Variants in TNS3 observed in about 807,000 individuals in gnomAD.
TNS3 encodes the protein tensin 3.
A neutral mutation model predicts 140.9 loss-of-function variants in TNS3; 45 were observed. That is an observed-to-expected ratio of 0.32 (90% CI 0.25 to 0.41). The LOEUF (loss-of-function observed/expected upper bound fraction) is 0.41. Ranked by LOEUF, TNS3 falls within the 10% of genes least tolerant of loss-of-function variation. TNS3 has a pLI of 1.00. For synonymous variants in TNS3, 815 were observed against 788.4 expected (o/e 1.03, Z -0.56); for missense variants, 1,716 against 1,906.7 (o/e 0.90, Z 1.86).
intron 1 of TNS3, among the ~76,000 whole-genome samples, chr7:47,574,408 T>G (rs1562864485): frequency 6.6e-6 from 1 of 151,906 alleles, no homozygotes; most frequent in African/African-American, 2.4e-5. Context: ...GGACAGCGGG[T>G]GGACACCGTG....
intron 4 of TNS3, among the ~76,000 whole-genome samples, chr7:47,474,161 A>C (rs1797072107): frequency 7.1e-6 from 1 of 141,098 alleles, no homozygotes. Context: ...ACATAAAAAA[A>C]CCTCACACAC....
At chr7:47,581,968 C>T (rs956777954) in intron 1 of TNS3, 83 bp downstream of exon 1, 2 of 151,948 alleles carry the variant, frequency 1.3e-5, no homozygotes, top group African/African-American at 4.8e-5. Context: ...TTCCTGCGCC[C>T]GGAGCGCGAA....
intron 1 of TNS3, among the ~76,000 whole-genome samples, chr7:47,568,684 C>A (rs1426341687): frequency 1.3e-5 from 2 of 152,262 alleles, no homozygotes; most frequent in African/African-American, 4.8e-5. Flanking sequence ...GGTCTATGAG[C>A]GGCTGCTGTG....
intron 4 of TNS3, among the ~76,000 whole-genome samples, chr7:47,458,667 C>T (rs1296381602): frequency 1.3e-5 from 2 of 152,190 alleles, no homozygotes; most frequent in African/African-American, 2.4e-5. Context: ...AACAAGCAGT[C>T]CCCCCATCCC....
intron 2 of TNS3, among the ~76,000 whole-genome samples, chr7:47,512,386 G>GT: frequency 6.6e-6 from 1 of 152,218 alleles, no homozygotes; most frequent in Non-Finnish European, 1.5e-5. Flanking sequence ...TTCCCCTTCT[G>GT]TAATTAGGAG....
chr7:47,282,344 T>G (rs766293296), intron 28 of TNS3, among the ~76,000 whole-genome samples: 1 of 150,974 alleles, frequency 6.6e-6, no homozygotes, highest in Non-Finnish European at 1.5e-5. Flanking sequence ...GAGTCTACCA[T>G]AAAGCCAAGG....
intron 17 of TNS3, 135 bp downstream of exon 17, chr7:47,368,230 A>G: frequency 1.0e-6 from 1 of 958,098 alleles, no homozygotes; most frequent in Non-Finnish European, 1.4e-6. Context: ...AATTCACAAG[A>G]GTTGAAACTG....
At chr7:47,289,089 T>C (rs1331386410) in intron 27 of TNS3, among the ~76,000 whole-genome samples, 2 of 152,112 alleles carry the variant, frequency 1.3e-5, no homozygotes, top group Non-Finnish European at 2.9e-5. Flanking sequence ...CAAAACAGAG[T>C]AATTTTACTT....
At position 47,396,909 on chromosome 7, in the gene TNS3, A is replaced by AAC. The variant is rs1170342669; in HGVS notation, c.920-6_920-5insGT. Reference sequence around the variant, plus strand: ...CGTTGTACAAGTGTTCGGACCCTGCACAGAGCACAGGCAGCAACATTAGTC... The same window carrying AAC: ...CGTTGTACAAGTGTTCGGACCCTGCAACCAGAGCACAGGCAGCAACATTAGTC... On this transcript the variant is annotated splice_region_variant and splice_polypyrimidine_tract_variant and intron_variant, in intron 15 of 30. Transcript: ENST00000311160. 4 of 1,609,352 alleles carry AAC rather than the reference A, an allele frequency of 2.5e-6. No homozygotes were observed. Among genetic ancestry groups the AAC allele is most frequent in the Admixed American group, 1.7e-5 (1 of 60,006 alleles).
intron 16 of TNS3, among the ~76,000 whole-genome samples, chr7:47,371,761 C>T (rs980208003): frequency 2.0e-5 from 3 of 151,288 alleles, no homozygotes; most frequent in African/African-American, 7.4e-5. Flanking sequence ...TTTGTTAATG[C>T]CATCACTAGG....
intron 1 of TNS3, among the ~76,000 whole-genome samples, chr7:47,578,265 G>C (rs1441981019): frequency 3.9e-5 from 6 of 151,994 alleles, no homozygotes; most frequent in African/African-American, 1.2e-4. Flanking sequence ...AGCTGAGATG[G>C]CCCGACTGGA....
intron 1 of TNS3, among the ~76,000 whole-genome samples, chr7:47,571,786 C>G (rs1800563818): frequency 6.6e-6 from 1 of 152,252 alleles, no homozygotes; most frequent in Non-Finnish European, 1.5e-5. Flanking sequence ...GTCACAGACT[C>G]ACAGGCCAAG....
At chr7:47,377,208 G>C (rs78759812) in intron 16 of TNS3, among the ~76,000 whole-genome samples, 27 of 152,234 alleles carry the variant, frequency 1.8e-4, no homozygotes, top group African/African-American at 6.5e-4. Context: ...GTCTGCAGCT[G>C]CAAGTGCCCA....
At chr7:47,530,278 G>A (rs1799344449) in intron 1 of TNS3, among the ~76,000 whole-genome samples, 1 of 152,216 alleles carries the variant, frequency 6.6e-6, no homozygotes, top group Non-Finnish European at 1.5e-5. Flanking sequence ...ATTAGATCCT[G>A]CAGAAGCACA....
chr7:47,355,514 A>C (rs1318077980), intron 17 of TNS3, among the ~76,000 whole-genome samples: 17 of 152,132 alleles, frequency 1.1e-4, no homozygotes, highest in Non-Finnish European at 1.5e-5. Context: ...TGTACTAAAC[A>C]CATGTGGGAC....
intron 27 of TNS3, among the ~76,000 whole-genome samples, chr7:47,291,126 G>T (rs1785673895): frequency 6.6e-6 from 1 of 152,162 alleles, no homozygotes. Flanking sequence ...TACTGGAAAA[G>T]TTGAAAATAT....
intron 3 of TNS3, among the ~76,000 whole-genome samples, chr7:47,503,002 TTC>T (rs1798282876): frequency 6.6e-6 from 1 of 151,428 alleles, no homozygotes; most frequent in Non-Finnish European, 1.5e-5. Context: ...TGGTAGGAGG[TTC>T]TGTGTTTTTC....
rs950766246 is a variant in TNS3 at position 47,563,157 on chromosome 7, G to A, written c.-265+18894C>T. Among the ~76,000 whole-genome samples the A allele has an allele frequency of 3.9e-5, 6 of 152,208 alleles. No individual in the cohort carries two copies. In the East Asian group the frequency reaches 1.2e-3, roughly 29 times the overall value. On this transcript the variant is annotated intron_variant, in intron 1 of 30. Transcript: ENST00000311160. The stretch of plus-strand genomic sequence containing the variant: ...CAGAGTGAGTGAGGCAGATGGAGTG[G>A]TCACAGCCAGGAGCTGCATGGGCAC...
chr7:47,307,648 C>T (rs569791315), intron 20 of TNS3, among the ~76,000 whole-genome samples: 1 of 152,312 alleles, frequency 6.6e-6, no homozygotes, highest in African/African-American at 2.4e-5. Context: ...CTAGTGCTGG[C>T]GTAGTGGTAT....
Sources: gnomAD v4.1 joint callset for allele counts (sites outside exome capture counted in the v4.1 genomes callset) on GRCh38, gnomAD v4.1.1 for gene constraint, MANE v1.5 for transcripts, NCBI Gene and HGNC (gene_info 2026-07-23, HGNC 2026-07-21) for gene names.